The following DPP10 variants were observed in gnomAD, a reference collection of about 807,000 sequenced individuals.
DPP10 encodes the protein inactive dipeptidyl peptidase 10.
DPP10 carries 33 observed loss-of-function variants against 120.9 expected under a neutral mutation model. The ratio of observed to expected loss-of-function variants is 0.27; its 90% CI spans 0.21 to 0.37. The LOEUF (loss-of-function observed/expected upper bound fraction) is 0.37, where lower values mean the gene tolerates loss of function less well. DPP10 is among the 10% of genes least tolerant of loss of function. The probability of loss-of-function intolerance (pLI) is 1.00; values close to 1 mark genes in which losing one functional copy is unlikely to be tolerated. For synonymous variants in DPP10, 337 were observed against 326.1 expected (o/e 1.03, Z -0.36); for missense variants, 816 against 942.8 (o/e 0.87, Z 1.76).
At chr2:114,881,479 C>CA (rs1558838686) in intron 1 of DPP10, among the ~76,000 whole-genome samples, 3,248 of 116,794 alleles carry the variant, frequency 0.028, 140 homozygotes, top group African/African-American at 0.095. Context: ...ATCTATCTAT[C>CA]TATCTATCTA....
chr2:115,762,453 G>T (rs1459762195), intron 11 of DPP10, 119 bp from the exon 12 acceptor site: 3 of 893,282 alleles, frequency 3.4e-6, no homozygotes, highest in Non-Finnish European at 3.7e-6. Flanking sequence ...AATCTCTCAT[G>T]GTGTTTCACC....
chr2:115,061,369 G>A (rs1706385012), intron 1 of DPP10, among the ~76,000 whole-genome samples: 1 of 152,098 alleles, frequency 6.6e-6, no homozygotes, highest in African/African-American at 2.4e-5. Context: ...GGCTTTTGCA[G>A]CTGACAGTTT....
chr2:115,690,552 A>G (rs2091260745), intron 7 of DPP10, among the ~76,000 whole-genome samples: 1 of 152,134 alleles, frequency 6.6e-6, no homozygotes, highest in South Asian at 2.1e-4. Flanking sequence ...ACTTGGGATT[A>G]CAGGCACATG....
At chr2:115,212,905 A>G (rs985449531) in intron 1 of DPP10, among the ~76,000 whole-genome samples, 4 of 152,166 alleles carry the variant, frequency 2.6e-5, no homozygotes, top group Admixed American at 1.3e-4. Flanking sequence ...TTTATCACAT[A>G]TGGAGTTGAA....
intron 5 of DPP10, among the ~76,000 whole-genome samples, chr2:115,600,209 C>A (rs1196241455): frequency 6.6e-6 from 1 of 152,100 alleles, no homozygotes; most frequent in African/African-American, 2.4e-5. Flanking sequence ...AAACTCCCTG[C>A]TTGCTTCATC....
intron 1 of DPP10, among the ~76,000 whole-genome samples, chr2:114,529,075 A>G (rs945727634): frequency 6.6e-6 from 1 of 152,042 alleles, no homozygotes; most frequent in African/African-American, 2.4e-5. Flanking sequence ...GAAAATATTT[A>G]TCTCCATCTC....
chr2:115,623,568 G>A (rs1027797062), intron 5 of DPP10, among the ~76,000 whole-genome samples: 2 of 152,102 alleles, frequency 1.3e-5, no homozygotes, highest in Admixed American at 1.3e-4. Flanking sequence ...ATGCAGTGAG[G>A]AGCAACAAGA....
chr2:114,847,841 G>A (rs1023440890), intron 1 of DPP10, among the ~76,000 whole-genome samples: 2 of 152,182 alleles, frequency 1.3e-5, no homozygotes, highest in Admixed American at 1.3e-4. Context: ...ATGGGGGAAA[G>A]TACTGAATAA....
At chr2:115,053,219 G>A (rs1022947520) in intron 1 of DPP10, among the ~76,000 whole-genome samples, 1 of 152,100 alleles carries the variant, frequency 6.6e-6, no homozygotes, top group Non-Finnish European at 1.5e-5. Flanking sequence ...TAATCCAAAT[G>A]GCCATCAGCT....
intron 1 of DPP10, among the ~76,000 whole-genome samples, chr2:115,298,692 G>A (rs1308200638): frequency 6.6e-6 from 1 of 152,032 alleles, no homozygotes; most frequent in Non-Finnish European, 1.5e-5. Context: ...AGAGCCATCT[G>A]GAGAGCCTGT....
intron 3 of DPP10, among the ~76,000 whole-genome samples, chr2:115,445,568 G>T (rs114445657): frequency 6.6e-6 from 1 of 152,160 alleles, no homozygotes; most frequent in Admixed American, 6.5e-5. Flanking sequence ...AAAGATACTG[G>T]TGGAGTTTTG....
chr2:115,706,862 T>C (rs1369384763), intron 7 of DPP10, among the ~76,000 whole-genome samples: 1 of 152,036 alleles, frequency 6.6e-6, no homozygotes, highest in African/African-American at 2.4e-5. Flanking sequence ...CAAAGGGAAC[T>C]GTGGTCTGCA....
chr2:115,378,768 T>C (rs1284712219), intron 3 of DPP10, among the ~76,000 whole-genome samples: 4 of 152,196 alleles, frequency 2.6e-5, no homozygotes, highest in Admixed American at 1.3e-4. Flanking sequence ...TGAAGCGTTG[T>C]TGAATTTTGT....
intron 1 of DPP10, among the ~76,000 whole-genome samples, chr2:114,810,157 A>C (rs763179652): frequency 1.3e-5 from 2 of 152,182 alleles, no homozygotes; most frequent in African/African-American, 4.8e-5. Context: ...CCAAGACTTA[A>C]ATATTTTTCC....
intron 1 of DPP10, among the ~76,000 whole-genome samples, chr2:114,886,560 T>C (rs1039425796): frequency 2.0e-5 from 3 of 152,210 alleles, no homozygotes; most frequent in Non-Finnish European, 4.4e-5. Flanking sequence ...GGTGGAAAGG[T>C]TGAACCTTTG....
At chr2:115,727,983 T>A (rs769325347) in intron 8 of DPP10, 47 bp downstream of exon 8, 54 of 1,568,672 alleles carry the variant, frequency 3.4e-5, no homozygotes, top group Non-Finnish European at 4.6e-5. Context: ...GACATATTTT[T>A]ATACAAAATC....
chr2:114,469,071 A>G (rs553059573), intron 1 of DPP10, among the ~76,000 whole-genome samples: 1 of 152,240 alleles, frequency 6.6e-6, no homozygotes, highest in South Asian at 2.1e-4. Context: ...TGCAAGAAGC[A>G]AAATTAGCCA....
chr2:114,727,058 A>G (rs1031717214), intron 1 of DPP10, among the ~76,000 whole-genome samples: 1 of 152,196 alleles, frequency 6.6e-6, no homozygotes, highest in African/African-American at 2.4e-5. Flanking sequence ...TCCCAGCATC[A>G]TCCTTTTCAT....
At chr2:114,657,279 A>AG (rs1196841171) in intron 1 of DPP10, among the ~76,000 whole-genome samples, 1 of 152,192 alleles carries the variant, frequency 6.6e-6, no homozygotes, top group Non-Finnish European at 1.5e-5. Flanking sequence ...GACAGTTAAA[A>AG]AGAAATGGAT....
Sources: allele counts gnomAD v4.1 joint callset (sites outside exome capture counted in the v4.1 genomes callset), GRCh38; gene constraint gnomAD v4.1.1; transcripts MANE v1.5; gene names NCBI Gene and HGNC (gene_info 2026-07-23, HGNC 2026-07-21).